The following UACA variants were observed in gnomAD, a reference collection of about 807,000 sequenced individuals.
UACA encodes nuclear membrane binding protein.
UACA carries 112 observed loss-of-function variants against 160.5 expected under a neutral mutation model. The observed-to-expected ratio is 0.70, with a 90% CI of 0.60 to 0.82. The LOEUF is 0.82. Ranked by LOEUF, UACA falls within the 40% of genes least tolerant of loss-of-function variation. The probability of loss-of-function intolerance (pLI) is 0.00; values close to 1 mark genes in which losing one functional copy is unlikely to be tolerated. For missense variants in UACA, 1,574 were observed against 1,614.6 expected (o/e 0.97, Z 0.43); for synonymous variants, 557 against 568.4 (o/e 0.98, Z 0.29).
At chr15:70,674,085 C>T (rs1337513903) in intron 13 of UACA, among the ~76,000 whole-genome samples, 2 of 152,102 alleles carry the variant, frequency 1.3e-5, no homozygotes, top group African/African-American at 4.8e-5. Flanking sequence ...TGGTCTCGAA[C>T]AACTGAGCTC....
chr15:70,719,411 C>T (rs1898924045), intron 1 of UACA, among the ~76,000 whole-genome samples: 1 of 152,140 alleles, frequency 6.6e-6, no homozygotes, highest in South Asian at 2.1e-4. Flanking sequence ...GTGGGGGATT[C>T]CCCCGACAGG....
chr15:70,698,161 C>T (rs74021840), intron 2 of UACA, among the ~76,000 whole-genome samples: 4,422 of 152,244 alleles, frequency 0.029, 199 homozygotes, highest in African/African-American at 0.1. Context: ...AATTACACCA[C>T]TATAACTGAC....
chr15:70,686,232 G>A (rs555980418), intron 7 of UACA, among the ~76,000 whole-genome samples: 60 of 151,756 alleles, frequency 4.0e-4, no homozygotes, highest in Middle Eastern at 6.8e-3. Flanking sequence ...AATGGGTGCC[G>A]GAGGTGGTTG....
At position 70,668,301 on chromosome 15, in the gene UACA, C is replaced by G. The variant is rs1322815679; in HGVS notation, c.2383G>C (p.Asp795His). 6.2e-7 allele frequency: 1 copy of G among 1,613,154 alleles called. No homozygotes were observed. Among genetic ancestry groups the G allele is most frequent in the South Asian group, 1.1e-5 (1 of 90,852 alleles). ...LLLENDSLSK[D>H]VSRLETVFVP... is the part of the protein sequence containing the mutation. ...AACACAGTTTCTAGGCGGCTTACAT[C>G]CTTACTTAAGCTGTCATTTTCCAGT... The change falls in exon 16 of 19, where the codon GAT becomes CAT. Residue 795 changes from aspartate to histidine, a missense_variant. Asp to His is a moderately conservative substitution (Grantham distance 81). Coordinates refer to ENST00000322954, the MANE Select transcript of UACA (RefSeq NM_018003.4).
At chr15:70,753,441 T>C (rs2030214331) in intron 1 of UACA, among the ~76,000 whole-genome samples, 1 of 152,230 alleles carries the variant, frequency 6.6e-6, no homozygotes, top group Non-Finnish European at 1.5e-5. Context: ...CCAATTTTTT[T>C]GTATATATGG....
intron 1 of UACA, chr15:70,703,322 A>C: frequency 1.6e-6 from 2 of 1,262,608 alleles, no homozygotes; most frequent in South Asian, 2.6e-5. Context: ...GGAAGGAAGT[A>C]GCTGCTATAT....
At chr15:70,722,402 C>T (rs1177779475) in intron 1 of UACA, among the ~76,000 whole-genome samples, 3 of 151,658 alleles carry the variant, frequency 2.0e-5, no homozygotes, top group Admixed American at 1.3e-4. Flanking sequence ...ATCATGGCCT[C>T]GATCACCTAG....
At chr15:70,660,088 T>G in intron 18 of UACA, 63 bp downstream of exon 18, 1 of 1,352,600 alleles carries the variant, frequency 7.4e-7, no homozygotes, top group Non-Finnish European at 1.0e-6. Context: ...ATAAATTTAT[T>G]TGAAAATAAA....
chr15:70,748,959 TA>T (rs1348812496), intron 1 of UACA: 1 of 153,358 alleles, frequency 6.5e-6, no homozygotes, highest in Non-Finnish European at 1.5e-5. Context: ...AGTTTCCTCT[TA>T]AAACTAACTT....
At chr15:70,701,322 C>G (rs1264637397) in intron 1 of UACA, among the ~76,000 whole-genome samples, 1 of 152,150 alleles carries the variant, frequency 6.6e-6, no homozygotes, top group East Asian at 1.9e-4. Context: ...AAAAACAAAA[C>G]AGTTTACTGA....
rs533455391 is a variant in UACA, at chr15:70,705,755, C to T, written c.79-6095G>A. Among the ~76,000 whole-genome samples the T allele has an allele frequency of 8.5e-5, 13 of 152,130 alleles. No homozygotes were observed. In the East Asian group the frequency reaches 2.5e-3, roughly 29 times the overall value. ...AATTTAACCTATAAATTAAAAGTGA[C>T]TTCAGAAACCTATCAAGCAATCATA... On this transcript the variant is annotated intron_variant, in intron 1 of 18. Transcript: ENST00000322954.
At chr15:70,744,011 G>A (rs1275334861) in intron 1 of UACA, among the ~76,000 whole-genome samples, 4 of 152,186 alleles carry the variant, frequency 2.6e-5, no homozygotes, top group African/African-American at 9.6e-5. Flanking sequence ...TTGGGAGGCC[G>A]AGACGGGCGG....
At chr15:70,738,555 A>G (rs1003925741) in intron 1 of UACA, among the ~76,000 whole-genome samples, 4 of 152,098 alleles carry the variant, frequency 2.6e-5, no homozygotes, top group African/African-American at 9.7e-5. Flanking sequence ...CCCCTAAGAG[A>G]TCACTGACAA....
intron 16 of UACA, among the ~76,000 whole-genome samples, chr15:70,666,476 G>A (rs904900664): frequency 6.6e-6 from 1 of 152,318 alleles, no homozygotes; most frequent in African/African-American, 2.4e-5. Flanking sequence ...TATGAGACAA[G>A]TGAGCCTTAA....
chr15:70,722,821 C>T (rs970953126), intron 1 of UACA, among the ~76,000 whole-genome samples: 10 of 152,132 alleles, frequency 6.6e-5, no homozygotes, highest in African/African-American at 2.4e-4. Flanking sequence ...CTGGCTCCCT[C>T]TGGTGGCAAC....
intron 1 of UACA, among the ~76,000 whole-genome samples, chr15:70,740,251 C>CT (rs1738796011): frequency 6.6e-6 from 1 of 152,042 alleles, no homozygotes; most frequent in Non-Finnish European, 1.5e-5. Flanking sequence ...CAAATATTCT[C>CT]TAACATTCAT....
At position 70,703,300 on chromosome 15, in the gene UACA, C is replaced by CA; in HGVS notation, c.79-3641dup. The CA allele has an allele frequency of 3.1e-6, 4 of 1,280,112 alleles. No homozygotes were observed. The South Asian group carries it at 5.0e-5, about 16-fold the overall frequency. The allele number at this position is 1,280,112 out of a possible 1,614,324, so 79.3% of individuals were successfully genotyped here. On this transcript the variant is annotated intron_variant, in intron 1 of 18. Transcript: ENST00000322954. ...CATGGGAATGCAAAACATTCCAACA[C>CA]AAGTGTTTACAGGAAGGAAGTAGCT... is the stretch of plus-strand genomic sequence containing the variant.
intron 9 of UACA, 59 bp downstream of exon 9, chr15:70,682,699 A>C (rs1015167602): frequency 9.2e-7 from 1 of 1,083,716 alleles, no homozygotes. Context: ...AACTAGTTTT[A>C]CTAAGCACTT....
chr15:70,737,939 C>G (rs952481214), intron 1 of UACA, among the ~76,000 whole-genome samples: 8 of 152,154 alleles, frequency 5.3e-5, no homozygotes, highest in Non-Finnish European at 1.0e-4. Context: ...CTTGCTTAGA[C>G]TTTTCCAATA....
Sources: gnomAD v4.1 joint callset for allele counts (sites outside exome capture counted in the v4.1 genomes callset) on GRCh38, gnomAD v4.1.1 for gene constraint, MANE v1.5 for transcripts, NCBI Gene and HGNC (gene_info 2026-07-23, HGNC 2026-07-21) for gene names.